Variants in MBP observed in about 807,000 individuals in gnomAD.
MBP encodes myelin basic protein, also known as Golli-MBP.
MBP carries 16 observed loss-of-function variants against 35.8 expected under a neutral mutation model. The ratio of observed to expected loss-of-function variants is 0.45; its 90% CI spans 0.30 to 0.68. The LOEUF (loss-of-function observed/expected upper bound fraction) is 0.68. Among genes scored for constraint, MBP ranks in the 30% least tolerant of loss-of-function variants. MBP has a pLI of 0.08. For synonymous variants in MBP, 143 were observed against 159.6 expected (o/e 0.90, Z 0.78); for missense variants, 380 against 404.7 (o/e 0.94, Z 0.52).
rs530842987 is a variant in MBP at position 77,129,901 on chromosome 18, C to A, written c.-26+2679G>T. Among the ~76,000 whole-genome samples the A allele has an allele frequency of 6.0e-5, 9 of 150,978 alleles. No homozygotes were observed. In the South Asian group the frequency reaches 2.0e-3, roughly 33 times the overall value. ...AAAACAAACAAAAAAACGCAAAAAT[C>A]AGCCAGGTGTGGTGGTGCGCCCCTA... On this transcript the variant is annotated intron_variant, in intron 1 of 8. Coordinates refer to ENST00000355994, the MANE Select transcript of MBP (RefSeq NM_001025101.2).
intron 3 of MBP, among the ~76,000 whole-genome samples, chr18:77,029,299 C>T (rs1452597466): frequency 3.3e-5 from 5 of 149,992 alleles, no homozygotes; most frequent in Non-Finnish European, 3.0e-5. Context: ...CAATCGCAGG[C>T]ACTCGGCAGG....
rs568457112 is a variant in MBP at position 77,015,421 on chromosome 18, G to A, written c.576+1411C>T. 7.1e-6 allele frequency: 7 copies of A among 985,420 alleles called. No homozygotes were observed. In the South Asian group the frequency reaches 3.3e-4, roughly 46 times the overall value. 61.0% of individuals were successfully genotyped at this position (985,420 alleles called of 1,614,324 possible). ...TGGTTTGATAGCTGGGCTTGAAAAA[G>A]TGCTTCCAGTTGAAATTAGCATTAG... On this transcript the variant is annotated intron_variant, in intron 4 of 8. Coordinates refer to ENST00000355994, the MANE Select transcript of MBP (RefSeq NM_001025101.2).
chr18:77,032,940 A>T (rs1380596042), intron 3 of MBP, among the ~76,000 whole-genome samples: 2 of 152,188 alleles, frequency 1.3e-5, no homozygotes, highest in Non-Finnish European at 2.9e-5. Context: ...AAAGGTCTGG[A>T]GGCCAATATG....
intron 2 of MBP, among the ~76,000 whole-genome samples, chr18:77,096,748 T>C (rs1975773789): frequency 6.6e-6 from 1 of 152,028 alleles, no homozygotes; most frequent in South Asian, 2.1e-4. Flanking sequence ...GGTTTTGGAA[T>C]GTTTTGGAGC....
At chr18:77,014,750 C>T (rs1300774325) in intron 4 of MBP, 7 of 985,184 alleles carry the variant, frequency 7.1e-6, no homozygotes, top group Middle Eastern at 5.2e-4. Flanking sequence ...CCACTGCGTG[C>T]GCTCCCCCGG....
intron 3 of MBP, 172 bp downstream of exon 3, chr18:77,066,126 G>C: frequency 1.6e-6 from 1 of 616,656 alleles, no homozygotes; most frequent in South Asian, 2.1e-5. Context: ...ACCCCATGAA[G>C]TGTGCGATTA....
At position 76,988,562 on chromosome 18, in the gene MBP, G is replaced by A. The variant is rs1281664388; in HGVS notation, c.718-35C>T. ...GAAGACAGAGAAATAATGACATGGT[G>A]GTCAGTGAAGGGAAAGTCCTTTCAA... On this transcript the variant is annotated intron_variant, in intron 6 of 8. Coordinates refer to ENST00000355994, the MANE Select transcript of MBP (RefSeq NM_001025101.2). This position sits in a 1 kb window ranked among gnomAD's most constrained non-coding sequence, Gnocchi z 5.2. The A allele has an allele frequency of 6.3e-7, 1 of 1,598,662 alleles. No homozygotes were observed. Among genetic ancestry groups the A allele is most frequent in the Non-Finnish European group, 8.5e-7 (1 of 1,171,300 alleles).
At chr18:77,060,825 C>A (rs1304497710) in intron 3 of MBP, among the ~76,000 whole-genome samples, 2 of 152,194 alleles carry the variant, frequency 1.3e-5, no homozygotes, top group African/African-American at 4.8e-5. Flanking sequence ...GAGGAGGAAA[C>A]AGGCACAGAG....
rs1971479096 is a variant in MBP, at chr18:77,013,837, T to A, written c.576+2995A>T. The stretch of plus-strand genomic sequence containing the variant: ...CACCATGTCCAGCTTAGGTGTCTTG[T>A]GAAACCTTACTTCCTCCACATAAAA... On this transcript the variant is annotated intron_variant, in intron 4 of 8. Coordinates refer to ENST00000355994, the MANE Select transcript of MBP (RefSeq NM_001025101.2). The A allele has an allele frequency of 4.1e-6, 4 of 985,344 alleles. No individual in the cohort carries two copies. In the South Asian group the frequency reaches 1.4e-4, roughly 35 times the overall value. 61.0% of individuals were successfully genotyped at this position (985,344 alleles called of 1,614,324 possible).
intron 3 of MBP, among the ~76,000 whole-genome samples, chr18:77,042,586 C>G (rs1973060984): frequency 6.6e-6 from 1 of 152,204 alleles, no homozygotes; most frequent in African/African-American, 2.4e-5. Context: ...AGATACATTT[C>G]CCACTGGGCA....
intron 3 of MBP, among the ~76,000 whole-genome samples, chr18:77,045,450 A>G (rs1246602): frequency 0.064 from 1,922 of 29,918 alleles, no homozygotes; most frequent in South Asian, 0.18. Flanking sequence ...TGCATCTCTG[A>G]ACTGACCCGC....
chr18:77,025,407 G>A (rs1157381439), intron 3 of MBP, among the ~76,000 whole-genome samples: 2 of 152,298 alleles, frequency 1.3e-5, no homozygotes, highest in African/African-American at 4.8e-5. Flanking sequence ...CAGGGACCTC[G>A]AGTGCACTCA....
intron 2 of MBP, chr18:77,097,594 A>G (rs547396356): frequency 3.3e-4 from 50 of 152,312 alleles, no homozygotes; most frequent in Non-Finnish European, 4.4e-4. Context: ...GCCTGAGACA[A>G]TTCCAACCTG....
upstream of MBP, among the ~76,000 whole-genome samples, chr18:77,133,001 G>A (rs1977337780): frequency 6.6e-6 from 1 of 152,062 alleles, no homozygotes; most frequent in Admixed American, 6.5e-5. Flanking sequence ...TCAGACCTCG[G>A]AGGGGCGGCC....
Position 76,988,293 on chromosome 18 carries a change from A to C in MBP, c.750+202T>G. On this transcript the variant is annotated intron_variant, in intron 7 of 8. Coordinates refer to ENST00000355994, the MANE Select transcript of MBP (RefSeq NM_001025101.2). The surrounding 1 kb of genome is among the most constrained non-coding windows in gnomAD (Gnocchi z 5.2). ...TGGGTCCCCGGCACAGAAGCAAGAG[A>C]CCAGACCTTCCGGAAGGGAAGACCA... 1 of 1,554,374 alleles carries C rather than the reference A, an allele frequency of 6.4e-7. No individual in the cohort carries two copies. The highest frequency in any genetic ancestry group is 8.7e-7 in the Non-Finnish European group (1 of 1,148,746).
intron 2 of MBP, among the ~76,000 whole-genome samples, 178 bp downstream of exon 2, chr18:77,105,033 C>T (rs1326060183): frequency 1.1e-4 from 14 of 129,878 alleles, no homozygotes. Context: ...AATTAATAAT[C>T]AATCGTAATA....
At chr18:77,106,680 T>C (rs12605040) in intron 1 of MBP, among the ~76,000 whole-genome samples, 28,692 of 152,130 alleles carry the variant, frequency 0.19, 3,123 homozygotes, top group East Asian at 0.41. Context: ...GACGCGGTTC[T>C]AGTGATGATA....
intron 3 of MBP, among the ~76,000 whole-genome samples, chr18:77,050,615 C>T (rs934048598): frequency 7.2e-5 from 11 of 152,154 alleles, no homozygotes; most frequent in Middle Eastern, 3.2e-3. Context: ...GGCGTGATCT[C>T]GGCTCACTGC....
At position 77,044,110 on chromosome 18, in the gene MBP, C is replaced by A. The variant is rs1973122674; in HGVS notation, c.139+22188G>T. Among the ~76,000 whole-genome samples the A allele has an allele frequency of 6.6e-6, 1 of 152,112 alleles. No homozygotes were observed. Among genetic ancestry groups the A allele is most frequent in the African/African-American group, 2.4e-5 (1 of 41,406 alleles). Reference sequence around the variant, plus strand: ...CTCCTGCTGACCACCTCCCCCGATGCCCTCCACGCTGCACACTGGGCTGGT... The same window carrying A: ...CTCCTGCTGACCACCTCCCCCGATGACCTCCACGCTGCACACTGGGCTGGT... On this transcript the variant is annotated intron_variant, in intron 3 of 8. Coordinates refer to ENST00000355994, the MANE Select transcript of MBP (RefSeq NM_001025101.2). The surrounding 1 kb of genome is among the most constrained non-coding windows in gnomAD (Gnocchi z 4.4).
Sources: allele counts gnomAD v4.1 joint callset (sites outside exome capture counted in the v4.1 genomes callset), GRCh38; gene constraint gnomAD v4.1.1; non-coding constraint Gnocchi (gnomAD v3.1); transcripts MANE v1.5; gene names NCBI Gene and HGNC (gene_info 2026-07-23, HGNC 2026-07-21).